Variants in PRIM2 observed in about 807,000 individuals in gnomAD.
PRIM2 encodes DNA primase large subunit.
PRIM2 carries 39 observed loss-of-function variants against 67.3 expected under a neutral mutation model. The observed-to-expected ratio is 0.58, with a 90% CI of 0.45 to 0.76. PRIM2 has a LOEUF of 0.76. Ranked by LOEUF, PRIM2 falls within the 30% of genes least tolerant of loss-of-function variation. PRIM2 has a pLI of 0.00. For missense variants in PRIM2, 398 were observed against 598.7 expected, an observed-to-expected ratio of 0.66 and a Z score of 3.50; for synonymous variants, 143 against 198.7, an observed-to-expected ratio of 0.72 and a Z score of 2.36.
the PRIM2 span, among the ~76,000 whole-genome samples, chr6:57,248,232 A>G: frequency 0.012 from 1,850 of 152,330 alleles, 43 homozygotes; most frequent in South Asian, 0.025. Context: ...AGCGGTTTCA[A>G]ATTGAGCCAA....
At chr6:57,523,253 C>T (rs1185491524) in intron 8 of PRIM2, among the ~76,000 whole-genome samples, 1 of 152,092 alleles carries the variant, frequency 6.6e-6, no homozygotes, top group Non-Finnish European at 1.5e-5. Context: ...TTTTATAATC[C>T]CTGTTTTACC....
chr6:57,561,447 G>A (rs1775627753), intron 10 of PRIM2, among the ~76,000 whole-genome samples: 3 of 152,202 alleles, frequency 2.0e-5, no homozygotes, highest in Admixed American at 2.0e-4. Flanking sequence ...TGCCCAGGCT[G>A]GTCTCGAACT....
At chr6:57,400,704 T>C (rs1465812964) in intron 7 of PRIM2, among the ~76,000 whole-genome samples, 2 of 152,214 alleles carry the variant, frequency 1.3e-5, no homozygotes, top group African/African-American at 2.4e-5. Context: ...TTCCAAGTTG[T>C]TTGCTTTTTC....
intron 5 of PRIM2, among the ~76,000 whole-genome samples, chr6:57,338,759 G>A (rs372246651): frequency 4.7e-5 from 6 of 127,016 alleles, no homozygotes; most frequent in African/African-American, 1.6e-4. Flanking sequence ...TACTGAATGG[G>A]CAAAAACGGG....
chr6:57,297,854 G>A, the PRIM2 span, among the ~76,000 whole-genome samples: 6 of 152,124 alleles, frequency 3.9e-5, no homozygotes, highest in African/African-American at 9.6e-5. Flanking sequence ...AAAATAGCAG[G>A]GACATGAAAG....
intron 7 of PRIM2, among the ~76,000 whole-genome samples, chr6:57,467,328 T>A (rs1773228288): frequency 6.6e-6 from 1 of 151,898 alleles, no homozygotes; most frequent in East Asian, 1.9e-4. Flanking sequence ...GGGTCCAGTT[T>A]CAGTTTTCTG....
intron 7 of PRIM2, among the ~76,000 whole-genome samples, chr6:57,406,136 A>G (rs1405464012): frequency 6.6e-6 from 1 of 152,190 alleles, no homozygotes; most frequent in Non-Finnish European, 1.5e-5. Flanking sequence ...CTTAGATGTA[A>G]GCATTCCCTT....
upstream of PRIM2, among the ~76,000 whole-genome samples, chr6:57,310,812 T>C (rs1228338302): frequency 3.0e-4 from 32 of 105,646 alleles, no homozygotes; most frequent in Non-Finnish European, 3.5e-4. Context: ...CCCCTCACTT[T>C]CCAGGCAGGG....
At chr6:57,309,850 T>C (rs1027963971), upstream of PRIM2, among the ~76,000 whole-genome samples, 6 of 152,232 alleles carry the variant, frequency 3.9e-5, no homozygotes, top group Admixed American at 3.3e-4. Context: ...TTTTTAATGA[T>C]TGCCATTCTA....
At chr6:57,391,465 C>A (rs1387625279) in intron 7 of PRIM2, among the ~76,000 whole-genome samples, 9 of 151,896 alleles carry the variant, frequency 5.9e-5, no homozygotes, top group Non-Finnish European at 1.2e-4. Flanking sequence ...ATGGTATTGC[C>A]TAAGTTGTCT....
intron 5 of PRIM2, among the ~76,000 whole-genome samples, chr6:57,331,658 A>T (rs967332509): frequency 5.9e-5 from 9 of 151,848 alleles, no homozygotes; most frequent in Non-Finnish European, 1.2e-4. Context: ...TATTCACTTT[A>T]TCTAAGTTAT....
chr6:57,278,283 C>T, the PRIM2 span, among the ~76,000 whole-genome samples: 1 of 151,760 alleles, frequency 6.6e-6, no homozygotes, highest in Non-Finnish European at 1.5e-5. Flanking sequence ...GCCGAGATTG[C>T]ACCTCTGCAC....
intron 12 of PRIM2, among the ~76,000 whole-genome samples, chr6:57,610,823 A>C (rs1384485794): frequency 6.6e-6 from 1 of 152,218 alleles, no homozygotes; most frequent in Non-Finnish European, 1.5e-5. Flanking sequence ...GTCAGGAAGG[A>C]TATAGAAGCC....
chr6:57,483,186 G>T (rs1773670850), intron 7 of PRIM2, among the ~76,000 whole-genome samples: 1 of 152,160 alleles, frequency 6.6e-6, no homozygotes, highest in South Asian at 2.1e-4. Context: ...GGGATTACAG[G>T]CATGAGCCAC....
chr6:57,265,807 GT>G, the PRIM2 span, among the ~76,000 whole-genome samples: 7 of 152,212 alleles, frequency 4.6e-5, no homozygotes, highest in East Asian at 1.4e-3. Flanking sequence ...AATGCAGTTG[GT>G]TCCTAGACAC....
At chr6:57,407,130 A>C (rs1203787057) in intron 7 of PRIM2, among the ~76,000 whole-genome samples, 2 of 152,170 alleles carry the variant, frequency 1.3e-5, no homozygotes, top group African/African-American at 4.8e-5. Context: ...CACAGTTATA[A>C]CATTGACTAT....
the PRIM2 span, among the ~76,000 whole-genome samples, chr6:57,279,834 G>T: frequency 3.3e-5 from 5 of 152,204 alleles, no homozygotes; most frequent in Non-Finnish European, 5.9e-5. Flanking sequence ...GCATGGGGTA[G>T]AGAGGAGGCA....
the PRIM2 span, among the ~76,000 whole-genome samples, chr6:57,299,470 C>T: frequency 6.6e-6 from 1 of 152,134 alleles, no homozygotes; most frequent in Non-Finnish European, 1.5e-5. Context: ...ATCAATGGTT[C>T]TAGGGTCAGC....
intron 7 of PRIM2, chr6:57,383,650 T>G (rs1274726132): frequency 6.0e-5 from 9 of 150,900 alleles, no homozygotes; most frequent in Admixed American, 1.3e-4. Flanking sequence ...TGTAACTGAA[T>G]GTGATGCCTG....
Sources: allele counts gnomAD v4.1 joint callset (sites outside exome capture counted in the v4.1 genomes callset), GRCh38; gene constraint gnomAD v4.1.1; transcripts MANE v1.5; gene names NCBI Gene and HGNC (gene_info 2026-07-23, HGNC 2026-07-21).